TPD52L1: variants seen among roughly 807,000 people sequenced by gnomAD.
The protein encoded by TPD52L1 is TPD52 like 1.
A neutral mutation model predicts 28.7 loss-of-function variants in TPD52L1; 18 were observed. The observed-to-expected ratio is 0.63, with a 90% CI of 0.43 to 0.93. The LOEUF (loss-of-function observed/expected upper bound fraction) is 0.93. TPD52L1 is among the 40% of genes least tolerant of loss of function. The pLI is 0.00. For synonymous variants in TPD52L1, 75 were observed against 88.8 expected (o/e 0.84, Z 0.88); for missense variants, 203 against 254.8 (o/e 0.80, Z 1.39).
At chr6:125,167,837 G>T (rs1791008469) in intron 1 of TPD52L1, among the ~76,000 whole-genome samples, 1 of 151,530 alleles carries the variant, frequency 6.6e-6, no homozygotes, top group African/African-American at 2.4e-5. Context: ...TTATACATTT[G>T]CAAAGCAAAT....
At chr6:125,161,041 TG>T (rs2114739084) in intron 1 of TPD52L1, among the ~76,000 whole-genome samples, 1 of 152,136 alleles carries the variant, frequency 6.6e-6, no homozygotes, top group South Asian at 2.1e-4. Context: ...TTAGTAGAGA[TG>T]GGGTTTCACC....
chr6:125,195,299 GT>G (rs1793352428), intron 1 of TPD52L1, among the ~76,000 whole-genome samples: 1 of 152,148 alleles, frequency 6.6e-6, no homozygotes, highest in Non-Finnish European at 1.5e-5. Context: ...GAAACAAGTT[GT>G]TCTATAATCT....
chr6:125,180,420 C>G (rs1792107214), intron 1 of TPD52L1, among the ~76,000 whole-genome samples: 1 of 152,126 alleles, frequency 6.6e-6, no homozygotes, highest in Non-Finnish European at 1.5e-5. Flanking sequence ...TAATGCCAAG[C>G]ACAGTTTATA....
chr6:125,213,128 AC>A (rs1794628147), intron 1 of TPD52L1, among the ~76,000 whole-genome samples: 1 of 152,160 alleles, frequency 6.6e-6, no homozygotes. Flanking sequence ...ATTTTTTTTA[AC>A]CTATACTTGG....
intron 1 of TPD52L1, among the ~76,000 whole-genome samples, chr6:125,210,550 T>A (rs1794424904): frequency 6.7e-6 from 1 of 150,184 alleles, no homozygotes. Context: ...ATTCATTTTG[T>A]ATGTAATTAC....
At chr6:125,260,158 G>C (rs1797826879) in intron 6 of TPD52L1, 1 of 152,210 alleles carries the variant, frequency 6.6e-6, no homozygotes. Context: ...AAAAGAGAAT[G>C]TGAATGGAAG....
At chr6:125,161,011 C>T (rs1343350572) in intron 1 of TPD52L1, among the ~76,000 whole-genome samples, 3 of 152,082 alleles carry the variant, frequency 2.0e-5, no homozygotes, top group Non-Finnish European at 2.9e-5. Context: ...TGCCACCACG[C>T]CCTGCTAATT....
chr6:125,170,411 TA>T (rs1368587042), intron 1 of TPD52L1, among the ~76,000 whole-genome samples: 2 of 151,784 alleles, frequency 1.3e-5, no homozygotes, highest in Non-Finnish European at 2.9e-5. Context: ...ATTTTTCTCT[TA>T]GGGGCAGATT....
chr6:125,206,590 C>T (rs1794158062), intron 1 of TPD52L1, among the ~76,000 whole-genome samples: 1 of 152,096 alleles, frequency 6.6e-6, no homozygotes, highest in Non-Finnish European at 1.5e-5. Flanking sequence ...TGACAGCCTA[C>T]ATGGCTTAGA....
chr6:125,228,729 A>G (rs898335731), intron 2 of TPD52L1, among the ~76,000 whole-genome samples: 3 of 152,228 alleles, frequency 2.0e-5, no homozygotes, highest in African/African-American at 7.2e-5. Flanking sequence ...AAATAAGGGT[A>G]CAGTAGAAAA....
intron 1 of TPD52L1, chr6:125,154,308 A>G: frequency 8.8e-7 from 1 of 1,133,088 alleles, no homozygotes; most frequent in South Asian, 4.0e-5. Flanking sequence ...GGGTCCGGAA[A>G]GCGTGTTTCG....
At chr6:125,239,133 G>A (rs966849099) in intron 3 of TPD52L1, among the ~76,000 whole-genome samples, 1 of 152,058 alleles carries the variant, frequency 6.6e-6, no homozygotes, top group Non-Finnish European at 1.5e-5. Flanking sequence ...CAACGCCAAT[G>A]TCTATTTTTT....
intron 1 of TPD52L1, among the ~76,000 whole-genome samples, chr6:125,177,396 T>G (rs1791889689): frequency 6.6e-6 from 1 of 152,204 alleles, no homozygotes; most frequent in Admixed American, 6.5e-5. Context: ...CACAGCATTT[T>G]TAATCTTTTT....
intron 1 of TPD52L1, among the ~76,000 whole-genome samples, chr6:125,186,637 G>A (rs573014883): frequency 9.2e-5 from 14 of 152,234 alleles, no homozygotes; most frequent in East Asian, 1.9e-4. Flanking sequence ...AACTATAAGC[G>A]GAAGAAATTG....
intron 1 of TPD52L1, among the ~76,000 whole-genome samples, chr6:125,210,504 C>T (rs1794422390): frequency 6.6e-6 from 1 of 152,186 alleles, no homozygotes; most frequent in Non-Finnish European, 1.5e-5. Context: ...GAATAAGAAA[C>T]TGAACATGGC....
rs114574374 is a variant in TPD52L1 at position 125,224,668 on chromosome 6, G to A, written c.136-4450G>A. 2.8e-3 allele frequency among the ~76,000 whole-genome samples: 432 copies of A among 152,300 alleles called. 1 individual carries two copies. Among genetic ancestry groups the A allele is most frequent in the African/African-American group, 9.4e-3 (390 of 41,568 alleles). ...CCAGAGAGGCAGGCCTTGAAGCCAC[G>A]TGCACGTGAGACCAAATGTGGTTAC... On this transcript the variant is annotated intron_variant, in intron 2 of 6. Coordinates refer to ENST00000534000, the MANE Select transcript of TPD52L1 (RefSeq NM_003287.4).
At chr6:125,166,182 T>TA (rs1244974279) in intron 1 of TPD52L1, among the ~76,000 whole-genome samples, 1 of 151,928 alleles carries the variant, frequency 6.6e-6, no homozygotes, top group African/African-American at 2.4e-5. Flanking sequence ...GGGATGGGGG[T>TA]AGTGGGAGGA....
intron 5 of TPD52L1, among the ~76,000 whole-genome samples, chr6:125,255,528 A>G (rs1007729026): frequency 6.6e-6 from 1 of 152,206 alleles, no homozygotes; most frequent in African/African-American, 2.4e-5. Flanking sequence ...CACCATTGTT[A>G]ATCTGTACAG....
chr6:125,196,192 C>T (rs910728717), intron 1 of TPD52L1, among the ~76,000 whole-genome samples: 10 of 152,116 alleles, frequency 6.6e-5, no homozygotes, highest in African/African-American at 2.2e-4. Flanking sequence ...CTCAGGAAAA[C>T]AAGGAAAGAT....
Sources: allele counts gnomAD v4.1 joint callset (sites outside exome capture counted in the v4.1 genomes callset), GRCh38; gene constraint gnomAD v4.1.1; transcripts MANE v1.5; gene names NCBI Gene and HGNC (gene_info 2026-07-23, HGNC 2026-07-21).